The following USP8 variants were observed in gnomAD, a reference collection of about 807,000 sequenced individuals.
USP8 encodes ubiquitin carboxyl-terminal hydrolase 8.
USP8 carries 27 observed loss-of-function variants against 130.0 expected under a neutral mutation model. That is an observed-to-expected ratio of 0.21 (90% CI 0.15 to 0.29). USP8 has a LOEUF of 0.29. USP8 is among the 10% of genes least tolerant of loss of function. The pLI, the probability that USP8 is intolerant of heterozygous loss-of-function variation, is 1.00. For synonymous variants in USP8, 392 were observed against 444.1 expected (o/e 0.88, Z 1.48); for missense variants, 1,029 against 1,312.2 (o/e 0.78, Z 3.33).
rs548282937 is a variant in USP8, at chr15:50,438,956, C to T, written c.-65-53C>T. The T allele has an allele frequency of 3.6e-5, 26 of 717,658 alleles. No homozygotes were observed. In the East Asian group the frequency reaches 6.0e-4, roughly 16 times the overall value. The allele number at this position is 717,658 out of a possible 1,614,324, so 44.5% of individuals were successfully genotyped here. ...GGAATTTTTTTTTTTAAACTGCTCACTTGTTTTATTGTGAATGAGGAAAAT... is the reference window on the plus strand; with the variant it reads ...GGAATTTTTTTTTTTAAACTGCTCATTTGTTTTATTGTGAATGAGGAAAAT... On this transcript the variant is annotated intron_variant, in intron 1 of 19. Transcript: ENST00000307179.
In USP8 at chr15:50,476,896, A is replaced by G. The variant is rs756442147; in HGVS notation, c.897A>G (p.Gly299=). Residue 299 remains glycine (G), a synonymous_variant, in exon 9 of 20, where the codon GGA becomes GGG. Coordinates refer to ENST00000307179, the MANE Select transcript of USP8 (RefSeq NM_005154.5). The part of the protein sequence containing the change: ...VLRNEPLVLE[G]GYENWLLCYP... Reference sequence around the variant, plus strand: ...GCAATGAGCCTTTGGTTTTAGAGGGAGGCTATGAAAACTGGCTCCTTTGTT... The same window carrying G: ...GCAATGAGCCTTTGGTTTTAGAGGGGGGCTATGAAAACTGGCTCCTTTGTT... 1 of 1,603,552 alleles carries G rather than the reference A, an allele frequency of 6.2e-7. No individual in the cohort carries two copies. Among genetic ancestry groups the G allele is most frequent in the Non-Finnish European group, 8.5e-7 (1 of 1,178,290 alleles).
intron 2 of USP8, 44 bp from the exon 3 acceptor site, chr15:50,441,305 C>T: frequency 6.5e-7 from 1 of 1,527,496 alleles, no homozygotes; most frequent in Middle Eastern, 2.4e-4. Flanking sequence ...TATTTTTTCC[C>T]AGATGTCAAT....
At chr15:50,427,860 T>C (rs983713541) in intron 1 of USP8, among the ~76,000 whole-genome samples, 3 of 143,208 alleles carry the variant, frequency 2.1e-5, no homozygotes, top group Non-Finnish European at 4.6e-5. Flanking sequence ...TACCTGGCCC[T>C]TTTTTTTTTT....
In USP8 at chr15:50,508,573, A is replaced by G. The variant is rs573662626; in HGVS notation, c.*9485A>G. Reference sequence around the variant, plus strand: ...GACACTCAGTTTAAAACATTAAAACATAACAGAATAAACCCTAAAAGAGTA... The same window carrying G: ...GACACTCAGTTTAAAACATTAAAACGTAACAGAATAAACCCTAAAAGAGTA... On this transcript the variant is annotated 3_prime_UTR_variant, in exon 20 of 20. Coordinates refer to ENST00000307179, the MANE Select transcript of USP8 (RefSeq NM_005154.5). 2.0e-5 allele frequency: 3 copies of G among 152,354 alleles called. No homozygotes were observed. Among genetic ancestry groups the G allele is most frequent in the East Asian group, 1.9e-4 (1 of 5,190 alleles). The allele number at this position is 152,354 out of a possible 1,614,324, so 9.4% of individuals were successfully genotyped here. A position where few individuals can be genotyped will look rare whatever the true frequency, so the allele number is the denominator to read the frequency against.
chr15:50,435,738 G>T (rs532759720), intron 1 of USP8, among the ~76,000 whole-genome samples: 2 of 152,092 alleles, frequency 1.3e-5, no homozygotes, highest in South Asian at 2.1e-4. Flanking sequence ...GGTTTTTAAT[G>T]GACTTTAGAC....
rs1443312951 is a variant in USP8, at chr15:50,455,430, C to T, written c.336-3570C>T. ...TTTTATAGCGTCTATTATTTTTTTA[C>T]AGAGATTTCCTATTTGTTCATTTAT... On this transcript the variant is annotated intron_variant, in intron 4 of 19. Transcript: ENST00000307179. Among the ~76,000 whole-genome samples, 20 of 152,126 alleles carry T rather than the reference C, an allele frequency of 1.3e-4. 1 individual carries two copies. Among genetic ancestry groups the T allele is most frequent in the South Asian group, 4.2e-4 (2 of 4,810 alleles).
intron 1 of USP8, among the ~76,000 whole-genome samples, chr15:50,429,302 G>T (rs922078827): frequency 5.5e-5 from 7 of 128,386 alleles, no homozygotes; most frequent in Non-Finnish European, 9.6e-5. Flanking sequence ...CATCCTGGAG[G>T]TGTTTTTTTT....
intron 1 of USP8, among the ~76,000 whole-genome samples, chr15:50,431,461 C>T (rs1026453677): frequency 6.6e-6 from 1 of 152,104 alleles, no homozygotes; most frequent in Non-Finnish European, 1.5e-5. Context: ...CCATCTCCTA[C>T]ATAATATAAT....
At chr15:50,491,965 G>A (rs763421249) in intron 14 of USP8, among the ~76,000 whole-genome samples, 7 of 152,044 alleles carry the variant, frequency 4.6e-5, no homozygotes, top group African/African-American at 7.2e-5. Context: ...CTCCTCAAGC[G>A]ATTCTCCTGC....
chr15:50,449,890 C>CTTTTTT (rs1198558839), intron 4 of USP8, among the ~76,000 whole-genome samples: 3 of 78,918 alleles, frequency 3.8e-5, no homozygotes, highest in Non-Finnish European at 7.2e-5. Context: ...CCCAATATTT[C>CTTTTTT]TTTTTTTTTT....
intron 4 of USP8, among the ~76,000 whole-genome samples, chr15:50,451,141 C>T (rs1022790525): frequency 6.6e-6 from 1 of 152,136 alleles, no homozygotes; most frequent in African/African-American, 2.4e-5. Flanking sequence ...GGAGCAATGG[C>T]TCAGTCCTGT....
chr15:50,443,131 C>T (rs923070200), intron 3 of USP8, among the ~76,000 whole-genome samples: 5 of 152,112 alleles, frequency 3.3e-5, no homozygotes, highest in Non-Finnish European at 7.4e-5. Flanking sequence ...CTCCACCTTT[C>T]GGGTTCAAGC....
At chr15:50,472,188 G>A (rs2051400566) in intron 8 of USP8, among the ~76,000 whole-genome samples, 1 of 151,976 alleles carries the variant, frequency 6.6e-6, no homozygotes, top group Non-Finnish European at 1.5e-5. Flanking sequence ...GGCTTGAGCA[G>A]CTGCGCCCAG....
intron 7 of USP8, 40 bp downstream of exon 7, chr15:50,465,231 G>T: frequency 1.3e-6 from 2 of 1,571,798 alleles, no homozygotes; most frequent in Non-Finnish European, 1.7e-6. Context: ...TGTGTAGTAA[G>T]TAGTAAACTG....
In USP8 at chr15:50,504,645, G is replaced by C. The variant is rs1368534187; in HGVS notation, c.*5557G>C. 2 of 152,178 alleles carry C rather than the reference G, an allele frequency of 1.3e-5. No homozygotes were observed. The highest frequency in any genetic ancestry group is 2.9e-5 in the Non-Finnish European group (2 of 68,066). The allele number at this position is 152,178 out of a possible 1,614,324, so 9.4% of individuals were successfully genotyped here. The stretch of plus-strand genomic sequence containing the variant: ...TCCCTGCAGATACTGAGGTACAACT[G>C]TACTGGAAATTAACTTAATGAAGAT... On this transcript the variant is annotated 3_prime_UTR_variant, in exon 20 of 20. Transcript: ENST00000307179.
chr15:50,441,465 A>T lies in USP8; in HGVS notation c.221A>T (p.Lys74Ile). 1.3e-6 allele frequency: 2 copies of T among 1,575,072 alleles called. No homozygotes were observed. Among genetic ancestry groups the T allele is most frequent in the Non-Finnish European group, 1.7e-6 (2 of 1,168,340 alleles). The change falls in exon 3 of 20, where the codon AAA becomes ATA. Residue 74 changes from lysine to isoleucine, a missense_variant. Lys to Ile is a moderately radical substitution (Grantham distance 102). Around this residue, in one of 4 missense-constraint regions of USP8, gnomAD observed 281 missense variants for 336.7 expected, o/e 0.83. Transcript: ENST00000307179. The part of the protein sequence containing the change: ...MKYVTVYNLI[K>I]KRPDFKQQQD... ...TACGTGACTGTTTATAATCTTATCA[A>T]AAAAAGACCTGATTTCAAGCAACAG... is the stretch of plus-strand genomic sequence containing the variant.
chr15:50,459,634 C>T (rs903679878), intron 5 of USP8, among the ~76,000 whole-genome samples: 2 of 152,120 alleles, frequency 1.3e-5, no homozygotes, highest in Admixed American at 6.5e-5. Flanking sequence ...CAGTTGACTT[C>T]AGATTTTTCT....
chr15:50,488,652 C>T lies in USP8; in HGVS notation c.1891-1149C>T, dbSNP rs2052048747. Reference sequence around the variant, plus strand: ...CAAACTCAGCTCACTGCAACCTCCGCCTCCCAGGTTCAAGCAATTCTCCTG... The same window carrying T: ...CAAACTCAGCTCACTGCAACCTCCGTCTCCCAGGTTCAAGCAATTCTCCTG... On this transcript the variant is annotated intron_variant, in intron 12 of 19. Transcript: ENST00000307179. Among the ~76,000 whole-genome samples the T allele has an allele frequency of 2.0e-5, 3 of 150,680 alleles. No individual in the cohort carries two copies. The East Asian group carries it at 5.8e-4, about 29-fold the overall frequency.
chr15:50,451,722 A>G (rs1490220079), intron 4 of USP8, among the ~76,000 whole-genome samples: 2 of 152,294 alleles, frequency 1.3e-5, no homozygotes, highest in East Asian at 3.9e-4. Flanking sequence ...CTGTGTGAAC[A>G]TATCTTCATA....
Sources: gnomAD v4.1 joint callset for allele counts (sites outside exome capture counted in the v4.1 genomes callset) on GRCh38, gnomAD v4.1.1 for gene constraint, gnomAD v4.1.1 regional missense constraint, MANE v1.5 for transcripts, NCBI Gene and HGNC (gene_info 2026-07-23, HGNC 2026-07-21) for gene names.